The following MAGI1 variants were observed in gnomAD, a reference collection of about 807,000 sequenced individuals.
MAGI1 encodes the protein membrane associated guanylate kinase, WW and PDZ domain containing 1.
MAGI1 carries 58 observed loss-of-function variants against 139.9 expected under a neutral mutation model. That is an observed-to-expected ratio of 0.41 (90% CI 0.34 to 0.52). The LOEUF (loss-of-function observed/expected upper bound fraction) is 0.52. MAGI1 is among the 20% of genes least tolerant of loss of function. The pLI, the probability that MAGI1 is intolerant of heterozygous loss-of-function variation, is 0.12. For synonymous variants in MAGI1, 812 were observed against 737.9 expected (o/e 1.10, Z -1.63); for missense variants, 1,874 against 1,901.6 (o/e 0.99, Z 0.27).
At chr3:65,879,067 T>C (rs1238487060) in intron 1 of MAGI1, among the ~76,000 whole-genome samples, 1 of 152,136 alleles carries the variant, frequency 6.6e-6, no homozygotes, top group East Asian at 1.9e-4. Flanking sequence ...AATCCACGTT[T>C]GAAAAACAAC....
chr3:65,509,438 G>T lies in MAGI1; in HGVS notation c.431-15807C>A, dbSNP rs1484794527. 3.3e-5 allele frequency among the ~76,000 whole-genome samples: 5 copies of T among 152,290 alleles called. No homozygotes were observed. The East Asian group carries it at 9.7e-4, about 30-fold the overall frequency. On this transcript the variant is annotated intron_variant, in intron 2 of 22. Transcript: ENST00000402939. Reference sequence around the variant, plus strand: ...AGTGCCAGACAGTGGGCGCAGGTCAGTGGGTGCGCGTACCGTGCGCAAGCC... The same window carrying T: ...AGTGCCAGACAGTGGGCGCAGGTCATTGGGTGCGCGTACCGTGCGCAAGCC...
At chr3:65,643,557 T>A (rs889974947) in intron 1 of MAGI1, among the ~76,000 whole-genome samples, 2 of 152,048 alleles carry the variant, frequency 1.3e-5, no homozygotes, top group African/African-American at 4.8e-5. Flanking sequence ...GGGACAAACC[T>A]CAACATGGTG....
At chr3:65,706,593 G>T in intron 1 of MAGI1, among the ~76,000 whole-genome samples, 1 of 152,180 alleles carries the variant, frequency 6.6e-6, no homozygotes, top group East Asian at 1.9e-4. Flanking sequence ...GGCTTGAGGT[G>T]GTTAGGAGTC....
chr3:65,865,962 C>T lies in MAGI1; in HGVS notation c.313+172034G>A, dbSNP rs1235522786. ...GCCATACTTTGCAAGCTTTTAAAAC[C>T]ACAATGGCAGCAGCTGACATGGAAT... On this transcript the variant is annotated intron_variant, in intron 1 of 22. Transcript: ENST00000402939. Among the ~76,000 whole-genome samples, 8 of 152,274 alleles carry T rather than the reference C, an allele frequency of 5.3e-5. No individual in the cohort carries two copies. In the East Asian group the frequency reaches 1.5e-3, roughly 29 times the overall value.
chr3:65,619,416 A>G (rs1177763136), intron 2 of MAGI1, among the ~76,000 whole-genome samples: 1 of 152,188 alleles, frequency 6.6e-6, no homozygotes, highest in African/African-American at 2.4e-5. Flanking sequence ...TTCATTTCCA[A>G]TGACCCATGA....
intron 1 of MAGI1, among the ~76,000 whole-genome samples, chr3:65,623,833 T>C (rs2083817064): frequency 6.6e-6 from 1 of 152,166 alleles, no homozygotes; most frequent in Non-Finnish European, 1.5e-5. Flanking sequence ...GTATTCTATC[T>C]ACTGTTTCAA....
chr3:65,772,197 A>T (rs569283418), intron 1 of MAGI1, among the ~76,000 whole-genome samples: 6 of 152,332 alleles, frequency 3.9e-5, no homozygotes, highest in South Asian at 4.1e-4. Flanking sequence ...CTCCGTCTCA[A>T]GAAAAAGAAA....
chr3:65,439,904 C>CTGCTGCTGT lies in MAGI1; in HGVS notation c.1244_1245insACAGCAGCA (p.Gln419_Gln421dup), dbSNP rs1948144368. On this transcript the variant is annotated inframe_insertion, in exon 9 of 23. Coordinates refer to ENST00000402939, the MANE Select transcript of MAGI1 (RefSeq NM_001033057.2). ...CTTCTGTCTGCTGCTGCTGCTGCTGCTGCTGCTGCTGTTGCTGCTGCTGTT... is the reference window on the plus strand; with the variant it reads ...CTTCTGTCTGCTGCTGCTGCTGCTGCTGCTGCTGTTGCTGCTGCTGTTGCTGCTGCTGTT... 6.2e-7 allele frequency: 1 copy of CTGCTGCTGT among 1,609,874 alleles called. No homozygotes were observed. The highest frequency in any genetic ancestry group is 8.5e-7 in the Non-Finnish European group (1 of 1,177,556).
chr3:65,608,018 T>C (rs7643468), intron 2 of MAGI1, among the ~76,000 whole-genome samples: 1,705 of 152,328 alleles, frequency 0.011, 32 homozygotes, highest in African/African-American at 0.038. Flanking sequence ...CAGGTATCAT[T>C]AGCCCCATTC....
chr3:65,971,489 T>A (rs2065011484), intron 1 of MAGI1, among the ~76,000 whole-genome samples: 1 of 152,154 alleles, frequency 6.6e-6, no homozygotes, highest in African/African-American at 2.4e-5. Context: ...ATTTCCCCTT[T>A]CAGCTGTCCC....
At chr3:65,984,096 C>G (rs2065742510) in intron 1 of MAGI1, among the ~76,000 whole-genome samples, 1 of 152,120 alleles carries the variant, frequency 6.6e-6, no homozygotes, top group Non-Finnish European at 1.5e-5. Flanking sequence ...GAGTTCAAGA[C>G]CAGCTTGGCC....
intron 1 of MAGI1, among the ~76,000 whole-genome samples, chr3:65,691,672 T>C (rs151278967): frequency 4.1e-4 from 62 of 152,262 alleles, no homozygotes; most frequent in Non-Finnish European, 6.6e-4. Context: ...TGAAAAAACC[T>C]TGAATTTCCA....
chr3:65,379,069 CAAAT>C (rs779592344), intron 17 of MAGI1, 188 bp downstream of exon 17: 2 of 1,203,144 alleles, frequency 1.7e-6, no homozygotes, highest in Non-Finnish European at 2.3e-6. Context: ...AAGGGTTGAA[CAAAT>C]ATTCCCAACC....
At chr3:65,878,208 A>G (rs766847933) in intron 1 of MAGI1, among the ~76,000 whole-genome samples, 2 of 152,164 alleles carry the variant, frequency 1.3e-5, no homozygotes, top group Non-Finnish European at 2.9e-5. Context: ...GCTTCAAGTC[A>G]AAAGTTGGAT....
chr3:65,566,803 C>G (rs570952981), intron 2 of MAGI1, among the ~76,000 whole-genome samples: 69 of 151,106 alleles, frequency 4.6e-4, no homozygotes, highest in African/African-American at 1.6e-3. Context: ...GCCCAGGACA[C>G]TCATAATTTT....
chr3:65,495,427 T>C (rs992456806), intron 2 of MAGI1, among the ~76,000 whole-genome samples: 14 of 152,322 alleles, frequency 9.2e-5, no homozygotes, highest in Admixed American at 9.2e-4. Flanking sequence ...TGTTATTATA[T>C]ACATATAAAT....
intron 2 of MAGI1, among the ~76,000 whole-genome samples, chr3:65,562,080 A>G (rs1467520777): frequency 6.7e-6 from 1 of 149,280 alleles, no homozygotes; most frequent in Non-Finnish European, 1.5e-5. Flanking sequence ...TAATTTATAA[A>G]TTTAACATAG....
At chr3:65,457,751 G>T (rs562907477) in intron 5 of MAGI1, among the ~76,000 whole-genome samples, 4 of 152,166 alleles carry the variant, frequency 2.6e-5, no homozygotes, top group Non-Finnish European at 5.9e-5. Flanking sequence ...TCACATCAGG[G>T]TAAATGAAGT....
chr3:65,409,180 T>G (rs2107181393), intron 12 of MAGI1, among the ~76,000 whole-genome samples: 1 of 152,288 alleles, frequency 6.6e-6, no homozygotes, highest in African/African-American at 2.4e-5. Context: ...CACTAAGAGA[T>G]AAAAGTAAAT....
Sources: gnomAD v4.1 joint callset for allele counts (sites outside exome capture counted in the v4.1 genomes callset) on GRCh38, gnomAD v4.1.1 for gene constraint, MANE v1.5 for transcripts, NCBI Gene and HGNC (gene_info 2026-07-23, HGNC 2026-07-21) for gene names.